PIK3R1: variants seen among roughly 807,000 people sequenced by gnomAD.
The protein encoded by PIK3R1 is phosphoinositide-3-kinase regulatory subunit 1, also known as phosphatidylinositol 3-kinase regulatory subunit alpha.
A neutral mutation model predicts 98.0 loss-of-function variants in PIK3R1; 29 were observed. That is an observed-to-expected ratio of 0.30 (90% CI 0.22 to 0.40). The LOEUF is 0.40. PIK3R1 is among the 10% of genes least tolerant of loss of function. PIK3R1 has a pLI of 1.00. For missense variants in PIK3R1, 596 were observed against 872.7 expected, an observed-to-expected ratio of 0.68 and a Z score of 3.99; for synonymous variants, 282 against 311.8, an observed-to-expected ratio of 0.90 and a Z score of 1.01.
chr5:68,283,878 TC>T (rs1184446663), intron 7 of PIK3R1, among the ~76,000 whole-genome samples: 1 of 152,182 alleles, frequency 6.6e-6, no homozygotes, highest in Non-Finnish European at 1.5e-5. Flanking sequence ...TAGTGTCCAA[TC>T]AAAAACTCCT....
In PIK3R1 at chr5:68,272,718, A is replaced by G. The variant is rs80028700; in HGVS notation, c.335-672A>G. ...ACTACTAATTGACCAAAAAATACAT[A>G]AACAAAGGCTTTGACAAAGTTATAC... On this transcript the variant is annotated intron_variant, in intron 2 of 15. Transcript: ENST00000521381. Among the ~76,000 whole-genome samples, 37 of 152,358 alleles carry G rather than the reference A, an allele frequency of 2.4e-4. No homozygotes were observed. In the East Asian group the frequency reaches 6.4e-3, roughly 26 times the overall value.
intron 1 of PIK3R1, among the ~76,000 whole-genome samples, chr5:68,216,265 C>T (rs969525066): frequency 1.3e-5 from 2 of 152,218 alleles, no homozygotes; most frequent in Non-Finnish European, 2.9e-5. Flanking sequence ...CGAGCTCGGG[C>T]TTCCTCCCAC....
intron 4 of PIK3R1, among the ~76,000 whole-genome samples, chr5:68,277,887 A>G (rs1210698480): frequency 6.6e-6 from 1 of 152,120 alleles, no homozygotes; most frequent in Non-Finnish European, 1.5e-5. Context: ...TATTCTTAAC[A>G]CTGTCATTAG....
intron 7 of PIK3R1, chr5:68,288,819 T>G (rs1048072667): frequency 1.3e-6 from 2 of 1,529,078 alleles, no homozygotes; most frequent in Non-Finnish European, 1.8e-6. Flanking sequence ...TAGTTTGTCT[T>G]GGAGTACGTG....
chr5:68,254,848 T>C (rs397785256), intron 2 of PIK3R1, among the ~76,000 whole-genome samples: 1 of 144,676 alleles, frequency 6.9e-6, no homozygotes, highest in South Asian at 2.2e-4. Flanking sequence ...TTTTTTTTTT[T>C]ATGATGCAAA....
At chr5:68,279,559 C>A (rs1343240289) in intron 4 of PIK3R1, 43 bp from the exon 5 acceptor site, 3 of 1,533,382 alleles carry the variant, frequency 2.0e-6, no homozygotes, top group Non-Finnish European at 2.7e-6. Flanking sequence ...CTGATGTATT[C>A]TATAAAATAA....
At chr5:68,240,744 T>G (rs1163772381) in intron 2 of PIK3R1, among the ~76,000 whole-genome samples, 1 of 152,238 alleles carries the variant, frequency 6.6e-6, no homozygotes, top group African/African-American at 2.4e-5. Context: ...TTATGTTCTT[T>G]AAGAATGAAA....
At chr5:68,284,287 G>A (rs577766432) in intron 7 of PIK3R1, among the ~76,000 whole-genome samples, 303 of 152,322 alleles carry the variant, frequency 2.0e-3, no homozygotes, top group Non-Finnish European at 2.9e-3. Context: ...TGTGAATCCT[G>A]TCAGGCCTTT....
intron 1 of PIK3R1, among the ~76,000 whole-genome samples, chr5:68,223,755 T>A (rs1744178564): frequency 6.6e-6 from 1 of 152,218 alleles, no homozygotes; most frequent in Admixed American, 6.5e-5. Context: ...TATTTCCCTT[T>A]GCACAAATTT....
chr5:68,262,796 C>CATACATGTAGATGCAT (rs150097762), intron 2 of PIK3R1, among the ~76,000 whole-genome samples: 1 of 18,508 alleles, frequency 5.4e-5, no homozygotes, highest in Non-Finnish European at 1.1e-4. Flanking sequence ...TACATGTATA[C>CATACATGTAGATGCAT]GTAGATACAT....
chr5:68,295,763 G>A, intron 14 of PIK3R1: 3 of 499,698 alleles, frequency 6.0e-6, no homozygotes, highest in Non-Finnish European at 1.1e-5. Flanking sequence ...AAATATTTTT[G>A]GAACAGTCAG....
At chr5:68,262,172 A>G (rs530175806) in intron 2 of PIK3R1, among the ~76,000 whole-genome samples, 2 of 151,960 alleles carry the variant, frequency 1.3e-5, no homozygotes, top group East Asian at 3.9e-4. Flanking sequence ...GTTAATTAAA[A>G]CGACTGATTG....
chr5:68,244,274 A>G (rs1191529266), intron 2 of PIK3R1, among the ~76,000 whole-genome samples: 1 of 152,154 alleles, frequency 6.6e-6, no homozygotes, highest in Non-Finnish European at 1.5e-5. Context: ...GTGACAGAAA[A>G]TTCCTTTTAT....
rs1228813706 is a variant in PIK3R1 at position 68,262,844 on chromosome 5, TAG to T, written c.335-10544_335-10543del. Among the ~76,000 whole-genome samples, 62 of 52,088 alleles carry T rather than the reference TAG, an allele frequency of 1.2e-3. 3 individuals are homozygous for T. Among genetic ancestry groups the T allele is most frequent in the Non-Finnish European group, 1.4e-3 (40 of 28,298 alleles). The allele number at this position is 52,088 out of a possible 152,430, so 34.2% of individuals were successfully genotyped here. The stretch of plus-strand genomic sequence containing the variant: ...ATACATGTAGATACATGTATACATG[TAG>T]ATACATGTAGATACATGTATACATG... On this transcript the variant is annotated intron_variant, in intron 2 of 15. Coordinates refer to ENST00000521381, the MANE Select transcript of PIK3R1 (RefSeq NM_181523.3).
In PIK3R1 at chr5:68,279,711, T is replaced by C; in HGVS notation, c.612T>C (p.Ser204=). 1 of 1,614,206 alleles carries C rather than the reference T, an allele frequency of 6.2e-7. No homozygotes were observed. Among genetic ancestry groups the C allele is most frequent in the African/African-American group, 1.3e-5 (1 of 75,066 alleles). Residue 204 remains serine (S), a synonymous_variant, in exon 5 of 16, where the codon AGT becomes AGC. Coordinates refer to ENST00000521381, the MANE Select transcript of PIK3R1 (RefSeq NM_181523.3). ...CTGTCATTCCAGCAGCCGTTTACAG[T>C]GAAATGATTTCTTTAGCTCCAGGTT... ...PNPVIPAAVY[S]EMISLAPEVQ...
intron 7 of PIK3R1, chr5:68,288,369 T>C: frequency 2.8e-6 from 3 of 1,077,228 alleles, no homozygotes; most frequent in Non-Finnish European, 3.4e-6. Context: ...GAAGCTGCGA[T>C]CTTTATCTAA....
intron 4 of PIK3R1, 121 bp downstream of exon 4, chr5:68,274,134 C>T (rs1378938719): frequency 1.3e-6 from 1 of 795,044 alleles, no homozygotes; most frequent in African/African-American, 1.7e-5. Flanking sequence ...AAAGGGAACT[C>T]AAATCATGTA....
Position 68,293,644 on chromosome 5 carries a change from A to G in PIK3R1, c.1300-65A>G, listed in dbSNP as rs1747516685. 4.8e-6 allele frequency: 6 copies of G among 1,244,276 alleles called. No individual in the cohort carries two copies. In the Admixed American group the frequency reaches 1.2e-4, roughly 24 times the overall value. 77.1% of individuals were successfully genotyped at this position (1,244,276 alleles called of 1,614,324 possible). ...TTTTAAAGATGTTTCCATGTCAGCTATTTTGTTAAACAATTGTTATTTGAT... is the reference window on the plus strand; with the variant it reads ...TTTTAAAGATGTTTCCATGTCAGCTGTTTTGTTAAACAATTGTTATTTGAT... On this transcript the variant is annotated intron_variant, in intron 10 of 15. Coordinates refer to ENST00000521381, the MANE Select transcript of PIK3R1 (RefSeq NM_181523.3).
At chr5:68,223,796 G>T (rs1202958047) in intron 1 of PIK3R1, among the ~76,000 whole-genome samples, 1 of 152,184 alleles carries the variant, frequency 6.6e-6, no homozygotes, top group African/African-American at 2.4e-5. Context: ...ACAGCTTTTA[G>T]GTTTGTAAAA....
Sources: gnomAD v4.1 joint callset for allele counts (sites outside exome capture counted in the v4.1 genomes callset) on GRCh38, gnomAD v4.1.1 for gene constraint, MANE v1.5 for transcripts, NCBI Gene and HGNC (gene_info 2026-07-23, HGNC 2026-07-21) for gene names.